CFAP299: variants seen among roughly 807,000 people sequenced by gnomAD.
CFAP299 encodes the protein cilia and flagella associated protein 299.
In CFAP299, 21 loss-of-function variants were observed where a neutral mutation model predicts 27.0. That is an observed-to-expected ratio of 0.78 (90% CI 0.55 to 1.12). The LOEUF (loss-of-function observed/expected upper bound fraction) is 1.12. CFAP299 is among the 50% of genes most tolerant of loss of function. The probability of loss-of-function intolerance (pLI) is 0.00; values close to 1 mark genes in which losing one functional copy is unlikely to be tolerated. For missense variants in CFAP299, 310 were observed against 276.6 expected (o/e 1.12, Z -0.86); for synonymous variants, 104 against 98.1 (o/e 1.06, Z -0.36).
intron 2 of CFAP299, among the ~76,000 whole-genome samples, chr4:80,481,218 A>C (rs1229942966): frequency 6.6e-6 from 1 of 152,092 alleles, no homozygotes; most frequent in Admixed American, 6.6e-5. Context: ...ATTGACAATG[A>C]GAATGCTATT....
intron 3 of CFAP299, among the ~76,000 whole-genome samples, chr4:80,753,194 CTCTATT>C (rs1189354189): frequency 2.0e-5 from 3 of 151,750 alleles, no homozygotes; most frequent in Non-Finnish European, 4.4e-5. Context: ...AATGAAATGT[CTCTATT>C]TATTTTTGTC....
At position 80,842,068 on chromosome 4, in the gene CFAP299, G is replaced by A. The variant is rs1287972520; in HGVS notation, c.334-27925G>A. Among the ~76,000 whole-genome samples, 3 of 152,178 alleles carry A rather than the reference G, an allele frequency of 2.0e-5. No homozygotes were observed. The East Asian group carries it at 5.8e-4, about 29-fold the overall frequency. On this transcript the variant is annotated intron_variant, in intron 3 of 5. Coordinates refer to ENST00000358105, the MANE Select transcript of CFAP299 (RefSeq NM_152770.3). ...ACCTTACCGCTTCTCCTCCTTGAGT[G>A]TAGAATGAATGGGGTGGCTGGTGAG...
At chr4:80,806,386 G>T (rs1728867015) in intron 3 of CFAP299, among the ~76,000 whole-genome samples, 1 of 152,144 alleles carries the variant, frequency 6.6e-6, no homozygotes, top group East Asian at 1.9e-4. Context: ...GAGTTGTGAA[G>T]GTGTACTTGG....
chr4:80,542,609 G>C (rs955443445), intron 2 of CFAP299, among the ~76,000 whole-genome samples: 6 of 152,082 alleles, frequency 3.9e-5, no homozygotes, highest in Admixed American at 3.9e-4. Flanking sequence ...CTTTCTCACG[G>C]GACCAGGGCA....
intron 3 of CFAP299, among the ~76,000 whole-genome samples, chr4:80,726,285 A>G (rs1723156958): frequency 6.6e-6 from 1 of 152,188 alleles, no homozygotes; most frequent in Non-Finnish European, 1.5e-5. Flanking sequence ...TGATAACATT[A>G]CAATTCATAT....
chr4:80,864,384 A>G (rs758875638), intron 3 of CFAP299, among the ~76,000 whole-genome samples: 1 of 146,674 alleles, frequency 6.8e-6, no homozygotes, highest in Non-Finnish European at 1.5e-5. Context: ...TTTATTGTCA[A>G]TTGGGTGTGT....
At chr4:80,779,843 G>A (rs10516648) in intron 3 of CFAP299, among the ~76,000 whole-genome samples, 2 of 151,898 alleles carry the variant, frequency 1.3e-5, no homozygotes, top group Non-Finnish European at 2.9e-5. Context: ...TAAAATGATA[G>A]GACCTTTCTT....
intron 2 of CFAP299, among the ~76,000 whole-genome samples, chr4:80,396,193 G>T (rs982751213): frequency 5.3e-5 from 8 of 152,034 alleles, no homozygotes; most frequent in Non-Finnish European, 1.2e-4. Context: ...CGTGTATTTG[G>T]TCTAAGGGAA....
chr4:80,593,988 T>G (rs1020545205), intron 3 of CFAP299, among the ~76,000 whole-genome samples: 31 of 152,296 alleles, frequency 2.0e-4, no homozygotes, highest in African/African-American at 7.5e-4. Flanking sequence ...TATTTGGGAT[T>G]TTCTAGCTTC....
intron 3 of CFAP299, among the ~76,000 whole-genome samples, chr4:80,844,972 T>C (rs1731090257): frequency 6.6e-6 from 1 of 152,216 alleles, no homozygotes; most frequent in African/African-American, 2.4e-5. Context: ...TTTCTACATA[T>C]GGCTAGCCAG....
upstream of CFAP299, among the ~76,000 whole-genome samples, chr4:80,333,484 A>G (rs951721463): frequency 6.6e-6 from 1 of 152,182 alleles, no homozygotes; most frequent in Non-Finnish European, 1.5e-5. Flanking sequence ...CATAAGCAAA[A>G]CATTCCCTTC....
At chr4:80,631,234 T>G (rs1739187732) in intron 3 of CFAP299, among the ~76,000 whole-genome samples, 1 of 152,074 alleles carries the variant, frequency 6.6e-6, no homozygotes, top group South Asian at 2.1e-4. Context: ...TTATCATTAT[T>G]TTATAATTTA....
At chr4:80,453,423 T>A (rs1728989782) in intron 2 of CFAP299, among the ~76,000 whole-genome samples, 1 of 152,220 alleles carries the variant, frequency 6.6e-6, no homozygotes, top group South Asian at 2.1e-4. Flanking sequence ...TGTGTATGTA[T>A]CCTGTCTTAT....
rs144422972 is a variant in CFAP299 at position 80,716,996 on chromosome 4, T to G, written c.333+133813T>G. Among the ~76,000 whole-genome samples the G allele has an allele frequency of 9.0e-3, 1,368 of 152,266 alleles. 20 individuals are homozygous for G. The highest frequency in any genetic ancestry group is 0.03 in the African/African-American group (1,262 of 41,564). ...GGCCCTAAATTTAAACCTGCACAAC[T>G]ATTGGGAAATGTATTCATTTACCCA... On this transcript the variant is annotated intron_variant, in intron 3 of 5. Transcript: ENST00000358105.
intron 2 of CFAP299, among the ~76,000 whole-genome samples, chr4:80,381,197 TTC>T (rs1392407883): frequency 6.6e-6 from 1 of 152,200 alleles, no homozygotes; most frequent in Non-Finnish European, 1.5e-5. Flanking sequence ...CTCATTATTT[TTC>T]TTTCACTGAA....
chr4:80,376,526 C>G (rs1455110678), intron 2 of CFAP299, among the ~76,000 whole-genome samples: 1 of 152,138 alleles, frequency 6.6e-6, no homozygotes, highest in Admixed American at 6.6e-5. Flanking sequence ...TTTACTCTCT[C>G]CTTAGCAAGG....
At chr4:80,529,928 T>C (rs1269502606) in intron 2 of CFAP299, among the ~76,000 whole-genome samples, 1 of 152,182 alleles carries the variant, frequency 6.6e-6, no homozygotes, top group African/African-American at 2.4e-5. Context: ...TGTAATATGG[T>C]ACACAATTTT....
At chr4:80,742,255 T>C (rs944254625) in intron 3 of CFAP299, among the ~76,000 whole-genome samples, 2 of 152,184 alleles carry the variant, frequency 1.3e-5, no homozygotes, top group Non-Finnish European at 2.9e-5. Flanking sequence ...ATAAACAGTA[T>C]AGCCTTCTAT....
intron 3 of CFAP299, among the ~76,000 whole-genome samples, chr4:80,680,404 A>G (rs577723020): frequency 6.6e-6 from 1 of 152,032 alleles, no homozygotes; most frequent in African/African-American, 2.4e-5. Flanking sequence ...AGGTTTTTTT[A>G]TATATATTTT....
Sources: allele counts gnomAD v4.1 joint callset (sites outside exome capture counted in the v4.1 genomes callset), GRCh38; gene constraint gnomAD v4.1.1; transcripts MANE v1.5; gene names NCBI Gene and HGNC (gene_info 2026-07-23, HGNC 2026-07-21).